Variants in RAB11FIP3 observed in about 807,000 individuals in gnomAD.
The protein encoded by RAB11FIP3 is rab11 family-interacting protein 3.
In RAB11FIP3, 17 loss-of-function variants were observed where a neutral mutation model predicts 77.8. The observed-to-expected ratio is 0.22, with a 90% CI of 0.15 to 0.33. The LOEUF is 0.33. Ranked by LOEUF, RAB11FIP3 falls within the 10% of genes least tolerant of loss-of-function variation. The probability of loss-of-function intolerance (pLI) is 1.00; values close to 1 mark genes in which losing one functional copy is unlikely to be tolerated. For synonymous variants in RAB11FIP3, 437 were observed against 448.2 expected (o/e 0.98, Z 0.31); for missense variants, 1,005 against 1,011.2 (o/e 0.99, Z 0.08).
At chr16:488,117 A>C (rs2056194636) in intron 4 of RAB11FIP3, among the ~76,000 whole-genome samples, 1 of 152,182 alleles carries the variant, frequency 6.6e-6, no homozygotes, top group Admixed American at 6.5e-5. Flanking sequence ...GTGGTGGCTC[A>C]CGCCTGTAAT....
At chr16:436,171 G>T (rs1244154495) in intron 1 of RAB11FIP3, among the ~76,000 whole-genome samples, 2 of 152,130 alleles carry the variant, frequency 1.3e-5, no homozygotes, top group African/African-American at 4.8e-5. Context: ...TTAGCCGGGC[G>T]TGGTGGCAGG....
At chr16:496,642 C>T (rs1410744984) in intron 5 of RAB11FIP3, among the ~76,000 whole-genome samples, 182 bp from the exon 6 acceptor site, 1 of 152,230 alleles carries the variant, frequency 6.6e-6, no homozygotes, top group Admixed American at 6.5e-5. Flanking sequence ...CCCAGCACTG[C>T]CGTGTCCTTG....
chr16:431,256 T>G (rs969756911), intron 1 of RAB11FIP3, among the ~76,000 whole-genome samples: 3 of 152,162 alleles, frequency 2.0e-5, no homozygotes, highest in Non-Finnish European at 4.4e-5. Context: ...GTATTCTGGG[T>G]CTACATGCTG....
At chr16:438,620 G>A (rs781229848) in intron 1 of RAB11FIP3, among the ~76,000 whole-genome samples, 2 of 151,664 alleles carry the variant, frequency 1.3e-5, no homozygotes, top group Non-Finnish European at 2.9e-5. Context: ...TCCTGACCTT[G>A]GGATCTGTCT....
intron 3 of RAB11FIP3, among the ~76,000 whole-genome samples, chr16:478,405 C>G (rs1388328863): frequency 6.6e-6 from 1 of 151,902 alleles, no homozygotes; most frequent in Non-Finnish European, 1.5e-5. Context: ...ATTGGCTAGG[C>G]TGGTCTCGAA....
intron 9 of RAB11FIP3, among the ~76,000 whole-genome samples, chr16:516,642 C>T (rs973326512): frequency 1.4e-4 from 21 of 150,710 alleles, no homozygotes; most frequent in African/African-American, 2.0e-4. Flanking sequence ...TTTGGGAGGC[C>T]GAGGCAGGTG....
intron 1 of RAB11FIP3, among the ~76,000 whole-genome samples, chr16:436,792 C>T (rs116503967): frequency 1.5e-4 from 23 of 152,048 alleles, no homozygotes; most frequent in Admixed American, 2.0e-4. Flanking sequence ...TTCGTAGAGA[C>T]GAGTTCTCAC....
At chr16:459,208 C>T (rs1046047506) in intron 1 of RAB11FIP3, among the ~76,000 whole-genome samples, 1 of 150,348 alleles carries the variant, frequency 6.7e-6, no homozygotes, top group Non-Finnish European at 1.5e-5. Context: ...CTCACTACAA[C>T]CTCCACCTCC....
chr16:502,304 T>C (rs1182287538), intron 6 of RAB11FIP3, among the ~76,000 whole-genome samples: 1 of 152,250 alleles, frequency 6.6e-6, no homozygotes, highest in African/African-American at 2.4e-5. Context: ...CCGCAGCCTA[T>C]GGGCCTTTGC....
At chr16:429,929 A>G (rs1413589680) in intron 1 of RAB11FIP3, among the ~76,000 whole-genome samples, 4 of 152,158 alleles carry the variant, frequency 2.6e-5, no homozygotes, top group African/African-American at 9.7e-5. Flanking sequence ...GCTCCTGTTT[A>G]TAATACAGAT....
At chr16:491,776 C>G (rs2030215973) in intron 5 of RAB11FIP3, among the ~76,000 whole-genome samples, 2 of 152,202 alleles carry the variant, frequency 1.3e-5, no homozygotes, top group Non-Finnish European at 1.5e-5. Flanking sequence ...GTTTTGAGTG[C>G]TTTGCACATA....
chr16:427,873 G>T (rs1031460796), intron 1 of RAB11FIP3, among the ~76,000 whole-genome samples: 3 of 152,136 alleles, frequency 2.0e-5, no homozygotes, highest in Non-Finnish European at 2.9e-5. Context: ...GCCGAGGCGG[G>T]CGGATCACGA....
At chr16:468,028 A>G (rs1165531067) in intron 2 of RAB11FIP3, among the ~76,000 whole-genome samples, 2 of 17,062 alleles carry the variant, frequency 1.2e-4, no homozygotes, top group African/African-American at 1.9e-4. Flanking sequence ...AGGTGCAGGG[A>G]AGTCAGGGAG....
In RAB11FIP3 at chr16:505,505, G is replaced by T. The variant is rs7201440; in HGVS notation, c.1396-19G>T. On this transcript the variant is annotated intron_variant, in intron 7 of 13. Transcript: ENST00000262305. This position sits in a 1 kb window ranked among gnomAD's most constrained non-coding sequence, Gnocchi z 4.0. ...CTGCTTCTGGCTGCCTGACCCTGAA[G>T]CCTGGTCTCATTGCCAAGGTTGTCT... 51,495 of 1,598,308 alleles carry T rather than the reference G, an allele frequency of 0.032. 1,075 individuals are homozygous for T. Among genetic ancestry groups the T allele is most frequent in the African/African-American group, 0.11 (8,007 of 74,848 alleles).
intron 2 of RAB11FIP3, among the ~76,000 whole-genome samples, chr16:468,327 C>A (rs67956129): frequency 0.59 from 31,264 of 53,282 alleles, 9,249 homozygotes; most frequent in Middle Eastern, 0.67. Context: ...GTCAGGGAGG[C>A]GGTGCTGCCA....
chr16:440,863 G>T (rs1251452802), intron 1 of RAB11FIP3, among the ~76,000 whole-genome samples: 1 of 152,168 alleles, frequency 6.6e-6, no homozygotes, highest in Non-Finnish European at 1.5e-5. Context: ...GCACAGGCCC[G>T]CCTGGCTGCC....
chr16:426,620 C>T lies in RAB11FIP3; in HGVS notation c.614C>T (p.Pro205Leu), dbSNP rs972865565. The stretch of plus-strand genomic sequence containing the variant: ...CCCGTGGGGAGTCAGGAGGACGGCC[C>T]CCGCCTCCGAGCCGTGTTCGATGCC... Reference protein sequence around the residue: ...SEPVGSQEDGPRLRAVFDALD... With the variant: ...SEPVGSQEDGLRLRAVFDALD... Residue 205 changes from proline to leucine, a missense_variant, in exon 1 of 14, where the codon CCC (proline) becomes CTC (leucine). Physicochemically the swap from Pro to Leu is moderately conservative, Grantham distance 98. Coordinates refer to ENST00000262305, the MANE Select transcript of RAB11FIP3 (RefSeq NM_014700.4). The surrounding 1 kb of genome is among the most constrained non-coding windows in gnomAD (Gnocchi z 5.0). 1.9e-6 allele frequency: 3 copies of T among 1,594,752 alleles called. No homozygotes were observed. The highest frequency in any genetic ancestry group is 4.6e-5 in the East Asian group (2 of 43,862).
At chr16:433,911 A>G (rs1214364000) in intron 1 of RAB11FIP3, among the ~76,000 whole-genome samples, 1 of 151,646 alleles carries the variant, frequency 6.6e-6, no homozygotes, top group African/African-American at 2.4e-5. Flanking sequence ...TTCTTTATCC[A>G]TTCAACTGTT....
intron 5 of RAB11FIP3, among the ~76,000 whole-genome samples, chr16:494,222 T>A (rs1309027873): frequency 1.3e-5 from 2 of 151,350 alleles, no homozygotes; most frequent in African/African-American, 2.4e-5. Context: ...TAAATCCTGT[T>A]GCTGGGCTGC....
Sources: allele counts gnomAD v4.1 joint callset (sites outside exome capture counted in the v4.1 genomes callset), GRCh38; gene constraint gnomAD v4.1.1; non-coding constraint Gnocchi (gnomAD v3.1); transcripts MANE v1.5; gene names NCBI Gene and HGNC (gene_info 2026-07-23, HGNC 2026-07-21).